Variants in SV2B observed in about 807,000 individuals in gnomAD.
SV2B encodes the protein solute carrier family 22 member B2.
Under a neutral mutation model 73.9 loss-of-function variants are expected in SV2B, and 41 were observed. The ratio of observed to expected loss-of-function variants is 0.56; its 90% CI spans 0.43 to 0.72. The LOEUF (loss-of-function observed/expected upper bound fraction) is 0.72, where lower values mean the gene tolerates loss of function less well. Among genes scored for constraint, SV2B ranks in the 30% least tolerant of loss-of-function variants. The probability of loss-of-function intolerance (pLI) is 0.00; values close to 1 mark genes in which losing one functional copy is unlikely to be tolerated. For synonymous variants in SV2B, 314 were observed against 314.2 expected (o/e 1.00, Z 0.01); for missense variants, 764 against 857.8 (o/e 0.89, Z 1.37).
Position 91,197,027 on chromosome 15 carries a change from C to T in SV2B, c.-391-28846C>T, listed in dbSNP as rs2045269755. On this transcript the variant is annotated intron_variant, in intron 1 of 12. Transcript: ENST00000394232. This position sits in a 1 kb window ranked among gnomAD's most constrained non-coding sequence, Gnocchi z 4.9. ...CCAGGGCCACGGGGATTTTGCTCCT[C>T]TGTTGCTCCGCCTGCCGGCTGTGGC... Among the ~76,000 whole-genome samples, 1 of 152,198 alleles carries T rather than the reference C, an allele frequency of 6.6e-6. No individual in the cohort carries two copies. Among genetic ancestry groups the T allele is most frequent in the Non-Finnish European group, 1.5e-5 (1 of 68,044 alleles).
rs112850378 is a variant in SV2B at position 91,293,827 on chromosome 15, T to C, written c.*1275T>C. ...CCATTGGAGTGGGAGTTAGGGAGTG[T>C]AGTGGATGCCAAATATGTTTTTCTT... On this transcript the variant is annotated 3_prime_UTR_variant, in exon 13 of 13. Coordinates refer to ENST00000394232, the MANE Select transcript of SV2B (RefSeq NM_001323032.3). 3.1e-4 allele frequency: 47 copies of C among 152,306 alleles called. No individual in the cohort carries two copies. The highest frequency in any genetic ancestry group is 1.1e-3 in the African/African-American group (44 of 41,572). The allele number at this position is 152,306 out of a possible 1,614,324, so 9.4% of individuals were successfully genotyped here.
Position 91,281,881 on chromosome 15 carries a change from G to A in SV2B, c.1507+20G>A. The stretch of plus-strand genomic sequence containing the variant: ...ACACAGGTAGGTAAGAACATTGACA[G>A]ATTGAATAGAAAGTAACAGGAGACA... On this transcript the variant is annotated intron_variant, in intron 10 of 12. Transcript: ENST00000394232. This position sits in a 1 kb window ranked among gnomAD's most constrained non-coding sequence, Gnocchi z 4.7. The A allele has an allele frequency of 6.3e-7, 1 of 1,591,936 alleles. No individual in the cohort carries two copies. Among genetic ancestry groups the A allele is most frequent in the Non-Finnish European group, 8.6e-7 (1 of 1,165,668 alleles).
intron 11 of SV2B, among the ~76,000 whole-genome samples, chr15:91,286,498 T>G (rs1390536989): frequency 1.3e-5 from 2 of 152,218 alleles, no homozygotes; most frequent in Admixed American, 6.5e-5. Context: ...GCAATGGGAA[T>G]GCAACAGTAA....
chr15:91,185,896 G>A (rs17516375), intron 1 of SV2B, among the ~76,000 whole-genome samples: 43,193 of 152,052 alleles, frequency 0.28, 6,551 homozygotes, highest in Middle Eastern at 0.32. Context: ...CACTCCATGA[G>A]GCTAACACTG....
At chr15:91,203,468 A>G (rs947844159) in intron 1 of SV2B, among the ~76,000 whole-genome samples, 1 of 152,254 alleles carries the variant, frequency 6.6e-6, no homozygotes, top group South Asian at 2.1e-4. Context: ...AGAATGTTCT[A>G]TTTAAATGCA....
chr15:91,170,851 G>GT (rs559969293), intron 1 of SV2B, among the ~76,000 whole-genome samples: 17,854 of 147,022 alleles, frequency 0.12, 1,397 homozygotes, highest in African/African-American at 0.23. Context: ...TTGTATTTAG[G>GT]TTTTTTTTTT....
rs1264522767 is a variant in SV2B at position 91,258,607 on chromosome 15, C to T, written c.918+53C>T. The T allele has an allele frequency of 1.6e-5, 26 of 1,608,688 alleles. No individual in the cohort carries two copies. The East Asian group carries it at 5.8e-4, about 36-fold the overall frequency. ...AGAGTGACAAAACAGCCACAGGAAC[C>T]CAGCCTCGCTTCCTTCTCTCAGCTC... On this transcript the variant is annotated intron_variant, in intron 5 of 12. Transcript: ENST00000394232. This position sits in a 1 kb window ranked among gnomAD's most constrained non-coding sequence, Gnocchi z 4.7.
intron 1 of SV2B, among the ~76,000 whole-genome samples, chr15:91,138,236 T>G (rs952670174): frequency 1.2e-4 from 19 of 152,250 alleles, no homozygotes; most frequent in Non-Finnish European, 2.5e-4. Flanking sequence ...ATGATAGGAA[T>G]GTTCTGTATC....
chr15:91,206,891 G>A (rs1361403389), intron 1 of SV2B, among the ~76,000 whole-genome samples: 1 of 152,076 alleles, frequency 6.6e-6, no homozygotes, highest in Non-Finnish European at 1.5e-5. Flanking sequence ...CTTTTATTTG[G>A]ACACATCATC....
Position 91,292,449 on chromosome 15 carries a change from G to T in SV2B, c.1949G>T (p.Gly650Val). 6.2e-7 allele frequency: 1 copy of T among 1,614,100 alleles called. No homozygotes were observed. Among genetic ancestry groups the T allele is most frequent in the Non-Finnish European group, 8.5e-7 (1 of 1,179,994 alleles). Residue 650 changes from glycine (G) to valine (V), a missense_variant, in exon 13 of 13, where the codon GGG becomes GTG. Gly to Val is a moderately radical substitution (Grantham distance 109). Coordinates refer to ENST00000394232, the MANE Select transcript of SV2B (RefSeq NM_001323032.3). ...LGNTIFASFV[G>V]ITKVVPILLA... Reference sequence around the variant, plus strand: ...AACACCATCTTTGCTTCTTTTGTTGGGATAACCAAAGTGGTCCCCATCCTT... The same window carrying T: ...AACACCATCTTTGCTTCTTTTGTTGTGATAACCAAAGTGGTCCCCATCCTT...
intron 1 of SV2B, among the ~76,000 whole-genome samples, chr15:91,101,415 C>T (rs1177226622): frequency 6.6e-6 from 1 of 152,004 alleles, no homozygotes; most frequent in Non-Finnish European, 1.5e-5. Flanking sequence ...TTTCTTGAGT[C>T]AGCAAATACT....
chr15:91,135,732 G>A (rs895311836), intron 1 of SV2B, among the ~76,000 whole-genome samples: 5 of 152,202 alleles, frequency 3.3e-5, no homozygotes, highest in Non-Finnish European at 7.3e-5. Context: ...CTGGTGCTTT[G>A]CCTACTTACT....
intron 9 of SV2B, among the ~76,000 whole-genome samples, chr15:91,270,839 TGGG>T (rs2048274809): frequency 4.1e-5 from 4 of 96,566 alleles, no homozygotes; most frequent in African/African-American, 1.2e-4. Context: ...CTGTGGATGA[TGGG>T]GGGACGGTGA....
Position 91,136,343 on chromosome 15 carries a change from C to T in SV2B, c.-392+35980C>T, listed in dbSNP as rs1253336818. On this transcript the variant is annotated intron_variant, in intron 1 of 12. Coordinates refer to ENST00000394232, the MANE Select transcript of SV2B (RefSeq NM_001323032.3). This position sits in a 1 kb window ranked among gnomAD's most constrained non-coding sequence, Gnocchi z 5.6. ...AAGGTTTGATGTAGGGTTGATGCAT[C>T]TGACAGCCAGAATGTAAGGGGTCAG... Among the ~76,000 whole-genome samples, 1 of 152,158 alleles carries T rather than the reference C, an allele frequency of 6.6e-6. No individual in the cohort carries two copies. The highest frequency in any genetic ancestry group is 1.5e-5 in the Non-Finnish European group (1 of 68,046).
At chr15:91,208,180 T>G (rs910303342) in intron 1 of SV2B, among the ~76,000 whole-genome samples, 3 of 152,230 alleles carry the variant, frequency 2.0e-5, no homozygotes, top group East Asian at 1.9e-4. Context: ...TTTCACGATG[T>G]AGTAGAAACC....
At chr15:91,215,014 G>A (rs369390318) in intron 1 of SV2B, among the ~76,000 whole-genome samples, 2 of 152,196 alleles carry the variant, frequency 1.3e-5, no homozygotes, top group East Asian at 3.9e-4. Flanking sequence ...AACGGCCTTC[G>A]CAGGCATCCC....
rs2047789812 is a variant in SV2B, at chr15:91,258,611, C to T, written c.918+57C>T. On this transcript the variant is annotated intron_variant, in intron 5 of 12. Transcript: ENST00000394232. This position sits in a 1 kb window ranked among gnomAD's most constrained non-coding sequence, Gnocchi z 4.7. ...TGACAAAACAGCCACAGGAACCCAG[C>T]CTCGCTTCCTTCTCTCAGCTCCTAG... is the stretch of plus-strand genomic sequence containing the variant. 6.2e-7 allele frequency: 1 copy of T among 1,607,158 alleles called. No homozygotes were observed. The highest frequency in any genetic ancestry group is 8.5e-7 in the Non-Finnish European group (1 of 1,176,612).
At chr15:91,274,581 T>G (rs997483202) in intron 9 of SV2B, among the ~76,000 whole-genome samples, 9 of 152,234 alleles carry the variant, frequency 5.9e-5, no homozygotes, top group African/African-American at 2.2e-4. Flanking sequence ...ATTCATCGTC[T>G]TGTCTTAGGA....
At chr15:91,270,964 C>T (rs1450752594) in intron 9 of SV2B, among the ~76,000 whole-genome samples, 13 of 150,078 alleles carry the variant, frequency 8.7e-5, no homozygotes, top group Middle Eastern at 3.5e-3. Context: ...ACGGTGAGTC[C>T]TGTGGATGAT....
Sources: gnomAD v4.1 joint callset for allele counts (sites outside exome capture counted in the v4.1 genomes callset) on GRCh38, gnomAD v4.1.1 for gene constraint, Gnocchi (gnomAD v3.1) non-coding constraint, MANE v1.5 for transcripts, NCBI Gene and HGNC (gene_info 2026-07-23, HGNC 2026-07-21) for gene names.